KCNIP4: variants seen among roughly 807,000 people sequenced by gnomAD.
The protein encoded by KCNIP4 is Kv channel-interacting protein 4.
KCNIP4 carries 12 observed loss-of-function variants against 34.0 expected under a neutral mutation model. The ratio of observed to expected loss-of-function variants is 0.35; its 90% CI spans 0.23 to 0.57. The LOEUF is 0.57. Among genes scored for constraint, KCNIP4 ranks in the 20% least tolerant of loss-of-function variants. The pLI, the probability that KCNIP4 is intolerant of heterozygous loss-of-function variation, is 0.83. For missense variants in KCNIP4, 238 were observed against 311.7 expected, an observed-to-expected ratio of 0.76 and a Z score of 1.78; for synonymous variants, 124 against 102.2, an observed-to-expected ratio of 1.21 and a Z score of -1.29.
At chr4:21,562,162 T>A (rs542631832) in intron 1 of KCNIP4, among the ~76,000 whole-genome samples, 109 of 151,876 alleles carry the variant, frequency 7.2e-4, no homozygotes, top group African/African-American at 2.6e-3. Flanking sequence ...TCACTCACCA[T>A]GAAAACAACT....
At chr4:21,107,372 TG>T (rs1416819313) in intron 1 of KCNIP4, among the ~76,000 whole-genome samples, 3 of 147,404 alleles carry the variant, frequency 2.0e-5, no homozygotes, top group Admixed American at 2.0e-4. Flanking sequence ...TTGTCTCTTT[TG>T]ATCTTTGCTG....
rs376899189 is a variant in KCNIP4 at position 20,874,358 on chromosome 4, G to A, written c.163+8250C>T. 9.2e-5 allele frequency among the ~76,000 whole-genome samples: 14 copies of A among 152,168 alleles called. No individual in the cohort carries two copies. In the South Asian group the frequency reaches 1.2e-3, roughly 14 times the overall value. On this transcript the variant is annotated intron_variant, in intron 2 of 8. Coordinates refer to ENST00000382152, the MANE Select transcript of KCNIP4 (RefSeq NM_025221.6). ...CATTCACAGCACTTTACTTGTATTC[G>A]TTGTGTCTTAGATCTACATATGTGT... is the stretch of plus-strand genomic sequence containing the variant.
intron 1 of KCNIP4, among the ~76,000 whole-genome samples, chr4:21,413,816 G>A (rs951136681): frequency 3.3e-5 from 5 of 152,170 alleles, no homozygotes; most frequent in Non-Finnish European, 7.3e-5. Flanking sequence ...AGTTTACGTA[G>A]TGTCTGAACT....
intron 1 of KCNIP4, among the ~76,000 whole-genome samples, chr4:21,295,603 C>T (rs1465374262): frequency 6.6e-6 from 1 of 152,032 alleles, no homozygotes; most frequent in Non-Finnish European, 1.5e-5. Context: ...TTGTATGTGG[C>T]GGTTCCTTTG....
intron 5 of KCNIP4, among the ~76,000 whole-genome samples, chr4:20,744,950 C>T (rs1055859028): frequency 1.3e-5 from 2 of 152,116 alleles, no homozygotes; most frequent in Non-Finnish European, 2.9e-5. Flanking sequence ...AGTCAGGAAG[C>T]ACATTTTATC....
chr4:21,516,422 C>T (rs41385945), intron 1 of KCNIP4, among the ~76,000 whole-genome samples: 48,941 of 152,002 alleles, frequency 0.32, 8,236 homozygotes, highest in East Asian at 0.45. Context: ...CTTTCACCCA[C>T]TGAAAACTAA....
rs542949495 is a variant in KCNIP4, at chr4:21,423,332, G to A, written c.61+525239C>T. On this transcript the variant is annotated intron_variant, in intron 1 of 8. Transcript: ENST00000382152. ...GAAACTGCAAAAAACATAAGTTTGA[G>A]TTCTATTGCTACTAACATTGCAAGC... Among the ~76,000 whole-genome samples the A allele has an allele frequency of 2.0e-5, 3 of 152,304 alleles. 1 individual carries two copies. In the South Asian group the frequency reaches 6.2e-4, roughly 32 times the overall value.
intron 1 of KCNIP4, among the ~76,000 whole-genome samples, chr4:21,715,125 G>C (rs1429911812): frequency 2.0e-5 from 3 of 147,952 alleles, no homozygotes; most frequent in Non-Finnish European, 4.5e-5. Context: ...GTGTCGCCCA[G>C]GCTGGAGTGC....
chr4:21,310,160 G>GTAGC (rs975085029), intron 1 of KCNIP4, among the ~76,000 whole-genome samples: 2 of 152,148 alleles, frequency 1.3e-5, no homozygotes, highest in African/African-American at 4.8e-5. Context: ...AGCCTCCCGA[G>GTAGC]TAGCTGGGAG....
intron 3 of KCNIP4, among the ~76,000 whole-genome samples, chr4:20,806,414 A>C (rs1358727671): frequency 6.6e-6 from 1 of 152,018 alleles, no homozygotes; most frequent in East Asian, 1.9e-4. Context: ...CATTTGTTTT[A>C]AAATTTATCA....
chr4:21,378,399 A>G (rs921144813), intron 1 of KCNIP4, among the ~76,000 whole-genome samples: 10 of 152,166 alleles, frequency 6.6e-5, no homozygotes, highest in Non-Finnish European at 1.3e-4. Context: ...GCTGCACAAT[A>G]TTATCTCATA....
chr4:21,389,067 C>T (rs1722297372), intron 1 of KCNIP4, among the ~76,000 whole-genome samples: 1 of 151,866 alleles, frequency 6.6e-6, no homozygotes, highest in South Asian at 2.1e-4. Flanking sequence ...TCATTGCAGC[C>T]TTGACCTCCC....
chr4:20,940,589 C>T (rs1488312366), intron 1 of KCNIP4, among the ~76,000 whole-genome samples: 1 of 152,070 alleles, frequency 6.6e-6, no homozygotes, highest in Non-Finnish European at 1.5e-5. Flanking sequence ...AAATACATTT[C>T]TTGTGTAGTA....
At chr4:20,931,584 A>G (rs56829466) in intron 1 of KCNIP4, among the ~76,000 whole-genome samples, 26,634 of 152,058 alleles carry the variant, frequency 0.18, 2,435 homozygotes, top group East Asian at 0.26. Flanking sequence ...ATGTAAACTT[A>G]TCTAAAAATA....
At chr4:21,096,782 T>C (rs1480457298) in intron 1 of KCNIP4, among the ~76,000 whole-genome samples, 1 of 152,164 alleles carries the variant, frequency 6.6e-6, no homozygotes, top group Non-Finnish European at 1.5e-5. Flanking sequence ...AATTTCCAAA[T>C]GTTTAATAAA....
At chr4:21,637,957 T>C (rs1577733549) in intron 1 of KCNIP4, among the ~76,000 whole-genome samples, 1 of 152,098 alleles carries the variant, frequency 6.6e-6, no homozygotes, top group African/African-American at 2.4e-5. Context: ...TTAATGTCCA[T>C]GCTCTTTCCT....
intron 1 of KCNIP4, among the ~76,000 whole-genome samples, chr4:21,137,713 G>T (rs762014551): frequency 2.6e-5 from 4 of 151,908 alleles, no homozygotes; most frequent in Non-Finnish European, 5.9e-5. Flanking sequence ...GTTATGATGA[G>T]ATTACTAGCA....
At chr4:21,109,739 T>C (rs536741910) in intron 1 of KCNIP4, among the ~76,000 whole-genome samples, 177 of 152,332 alleles carry the variant, frequency 1.2e-3, no homozygotes, top group Non-Finnish European at 1.9e-3. Context: ...TATTTGGCCA[T>C]CTTGGCTGCC....
chr4:21,463,573 G>C (rs1441495525), intron 1 of KCNIP4, among the ~76,000 whole-genome samples: 3 of 151,982 alleles, frequency 2.0e-5, no homozygotes, highest in Non-Finnish European at 4.4e-5. Context: ...GTTGTAGCAT[G>C]TATTCGTACT....
Sources: allele counts gnomAD v4.1 joint callset (sites outside exome capture counted in the v4.1 genomes callset), GRCh38; gene constraint gnomAD v4.1.1; transcripts MANE v1.5; gene names NCBI Gene and HGNC (gene_info 2026-07-23, HGNC 2026-07-21).